The following ERVH48-1 variants were observed in gnomAD, a reference collection of about 807,000 sequenced individuals.
ERVH48-1 encodes the protein suppressyn.
Under a neutral mutation model 2.4 loss-of-function variants are expected in ERVH48-1, and 4 were observed. That is an observed-to-expected ratio of 1.68 (90% CI 0.83 to 3.84). ERVH48-1 has a LOEUF of 3.84. Ranked by LOEUF, ERVH48-1 falls within the 30% of genes most tolerant of loss-of-function variation. The pLI, the probability that ERVH48-1 is intolerant of heterozygous loss-of-function variation, is 0.01. For missense variants in ERVH48-1, 97 were observed against 43.4 expected, an observed-to-expected ratio of 2.23 and a Z score of -3.47; for synonymous variants, 32 against 15.5, an observed-to-expected ratio of 2.06 and a Z score of -2.49.
In ERVH48-1 at chr21:42,918,287, G is replaced by A. The variant is rs1455420251; in HGVS notation, c.*237C>T. The A allele has an allele frequency of 3.0e-5, 10 of 338,426 alleles. No individual in the cohort carries two copies. The highest frequency in any genetic ancestry group is 1.9e-4 in the South Asian group (8 of 41,526). 21.0% of individuals were successfully genotyped at this position (338,426 alleles called of 1,614,324 possible). The stretch of plus-strand genomic sequence containing the variant: ...AGTCCACTTGCGGGATATGCACACC[G>A]TCCCTCATACTGGGTTGGTAAGTGT... On this transcript the variant is annotated 3_prime_UTR_variant, in exon 2 of 2. Transcript: ENST00000447535.
chr21:42,921,343 A>G (rs536483461), intron 1 of ERVH48-1, among the ~76,000 whole-genome samples: 103 of 152,218 alleles, frequency 6.8e-4, no homozygotes, highest in African/African-American at 2.4e-3. Flanking sequence ...TTTGGCTAGT[A>G]GAGCGAAGGA....
Position 42,918,097 on chromosome 21 carries a change from G to C in ERVH48-1, c.*427C>G. ...GAGGTATGCGGCATAAGGGTTAGTGGTGTTCGTACAGTACCAGGCCTTTTT... is the reference window on the plus strand; with the variant it reads ...GAGGTATGCGGCATAAGGGTTAGTGCTGTTCGTACAGTACCAGGCCTTTTT... On this transcript the variant is annotated 3_prime_UTR_variant, in exon 2 of 2. Coordinates refer to ENST00000447535, the MANE Select transcript of ERVH48-1 (RefSeq NM_001308491.2). The C allele has an allele frequency of 5.2e-6, 1 of 190,480 alleles. No homozygotes were observed. Among genetic ancestry groups the C allele is most frequent in the Non-Finnish European group, 1.1e-5 (1 of 91,444 alleles). The allele number at this position is 190,480 out of a possible 1,614,324, so 11.8% of individuals were successfully genotyped here.
At chr21:42,919,859 G>C (rs1031887980) in intron 1 of ERVH48-1, among the ~76,000 whole-genome samples, 1 of 152,192 alleles carries the variant, frequency 6.6e-6, no homozygotes, top group Non-Finnish European at 1.5e-5. Context: ...GAAGATAGTG[G>C]AGCCATTTAT....
rs961440470 is a variant in ERVH48-1 at position 42,916,882 on chromosome 21, GGGGCA to G, written c.*1637_*1641del. ...AATGGCATCAGCCCCAAGTGAGGAT[GGGGCA>G]GGGGTTTTATAGTCCTCTGTAAACA... On this transcript the variant is annotated 3_prime_UTR_variant, in exon 2 of 2. Transcript: ENST00000447535. The G allele has an allele frequency of 6.2e-6, 1 of 160,846 alleles. No homozygotes were observed. Among genetic ancestry groups the G allele is most frequent in the Non-Finnish European group, 1.3e-5 (1 of 74,384 alleles). 10.0% of individuals were successfully genotyped at this position (160,846 alleles called of 1,614,324 possible).
In ERVH48-1 at chr21:42,919,173, G is replaced by C. The variant is rs1178604423; in HGVS notation, c.-167C>G. 2 of 802,038 alleles carry C rather than the reference G, an allele frequency of 2.5e-6. No homozygotes were observed. The highest frequency in any genetic ancestry group is 3.7e-5 in the Admixed American group (1 of 26,926). The allele number at this position is 802,038 out of a possible 1,614,324, so 49.7% of individuals were successfully genotyped here. A position where few individuals can be genotyped will look rare whatever the true frequency, so the allele number is the denominator to read the frequency against. Reference sequence around the variant, plus strand: ...GCTTGACCCTGGTGCGATGGATCCAGTTGGGGAGTCCTCGGACTCTCACTG... The same window carrying C: ...GCTTGACCCTGGTGCGATGGATCCACTTGGGGAGTCCTCGGACTCTCACTG... On this transcript the variant is annotated 5_prime_UTR_variant, in exon 2 of 2. Coordinates refer to ENST00000447535, the MANE Select transcript of ERVH48-1 (RefSeq NM_001308491.2).
chr21:42,923,493 G>A (rs2058812875), intron 1 of ERVH48-1, among the ~76,000 whole-genome samples: 1 of 152,172 alleles, frequency 6.6e-6, no homozygotes, highest in Non-Finnish European at 1.5e-5. Flanking sequence ...TGGGCTGGCT[G>A]GGTCTAGGTT....
At chr21:42,921,017 G>A (rs1402516414) in intron 1 of ERVH48-1, among the ~76,000 whole-genome samples, 1 of 152,204 alleles carries the variant, frequency 6.6e-6, no homozygotes, top group East Asian at 1.9e-4. Context: ...TCAAGAGATA[G>A]TTTTAGGCTT....
At chr21:42,920,876 C>T (rs191494810) in intron 1 of ERVH48-1, among the ~76,000 whole-genome samples, 5 of 152,124 alleles carry the variant, frequency 3.3e-5, no homozygotes, top group Admixed American at 1.3e-4. Context: ...CTGGTTAGCA[C>T]GGTGATTTGG....
At chr21:42,925,204 C>G (rs901753756) in intron 1 of ERVH48-1, 142 bp downstream of exon 1, 5 of 218,148 alleles carry the variant, frequency 2.3e-5, no homozygotes, top group African/African-American at 1.2e-4. Flanking sequence ...CTTGGCCTCC[C>G]AAAGTGCTGG....
chr21:42,917,191 C>T lies in ERVH48-1; in HGVS notation c.*1333G>A, dbSNP rs1344529443. On this transcript the variant is annotated 3_prime_UTR_variant, in exon 2 of 2. Coordinates refer to ENST00000447535, the MANE Select transcript of ERVH48-1 (RefSeq NM_001308491.2). ...TACTTCAGGCGTGACATAGGGGTGG[C>T]GTGGGCACCTTGGAAAAAGAAAAAC... The T allele has an allele frequency of 1.3e-5, 2 of 152,092 alleles. No individual in the cohort carries two copies. Among genetic ancestry groups the T allele is most frequent in the South Asian group, 2.1e-4 (1 of 4,828 alleles). 9.4% of individuals were successfully genotyped at this position (152,092 alleles called of 1,614,324 possible).
At position 42,918,026 on chromosome 21, in the gene ERVH48-1, A is replaced by T. The variant is rs1442935069; in HGVS notation, c.*498T>A. 6.5e-6 allele frequency: 1 copy of T among 153,542 alleles called. No homozygotes were observed. Among genetic ancestry groups the T allele is most frequent in the East Asian group, 1.9e-4 (1 of 5,234 alleles). The allele number at this position is 153,542 out of a possible 1,614,324, so 9.5% of individuals were successfully genotyped here. A position where few individuals can be genotyped will look rare whatever the true frequency, so the allele number is the denominator to read the frequency against. On this transcript the variant is annotated 3_prime_UTR_variant, in exon 2 of 2. Transcript: ENST00000447535. ...CACAGGAATCCGTCAGTGGCAGTCC[A>T]TTGTCAGCTGGTGTTCCTAGGATTG...
intron 1 of ERVH48-1, among the ~76,000 whole-genome samples, chr21:42,919,720 A>T (rs1229646893): frequency 6.6e-6 from 1 of 152,146 alleles, no homozygotes; most frequent in African/African-American, 2.4e-5. Flanking sequence ...CCGTTATCGG[A>T]CCGGATGGAT....
In ERVH48-1 at chr21:42,916,884, G is replaced by A. The variant is rs570670152; in HGVS notation, c.*1640C>T. ...TGGCATCAGCCCCAAGTGAGGATGG[G>A]GCAGGGGTTTTATAGTCCTCTGTAA... On this transcript the variant is annotated 3_prime_UTR_variant, in exon 2 of 2. Coordinates refer to ENST00000447535, the MANE Select transcript of ERVH48-1 (RefSeq NM_001308491.2). The A allele has an allele frequency of 1.9e-5, 3 of 160,868 alleles. No homozygotes were observed. The highest frequency in any genetic ancestry group is 4.8e-5 in the African/African-American group (2 of 41,664). 10.0% of individuals were successfully genotyped at this position (160,868 alleles called of 1,614,324 possible).
Position 42,925,561 on chromosome 21 carries a change from G to T in ERVH48-1, c.-501C>A, listed in dbSNP as rs573386623. ...AGCGCGCCAACAGACAACACGAGGC[G>T]GTGTGGAGCAACACACTGTTTTAAT... On this transcript the variant is annotated 5_prime_UTR_variant, in exon 1 of 2. Coordinates refer to ENST00000447535, the MANE Select transcript of ERVH48-1 (RefSeq NM_001308491.2). 3 of 262,288 alleles carry T rather than the reference G, an allele frequency of 1.1e-5. No homozygotes were observed. The South Asian group carries it at 1.3e-4, about 12-fold the overall frequency. 16.2% of individuals were successfully genotyped at this position (262,288 alleles called of 1,614,324 possible). A position where few individuals can be genotyped will look rare whatever the true frequency, so the allele number is the denominator to read the frequency against.
Position 42,919,036 on chromosome 21 carries a change from T to G in ERVH48-1, c.-30A>C. The G allele has an allele frequency of 8.1e-7, 1 of 1,227,880 alleles. No homozygotes were observed. The highest frequency in any genetic ancestry group is 1.0e-6 in the Non-Finnish European group (1 of 954,570). 76.1% of individuals were successfully genotyped at this position (1,227,880 alleles called of 1,614,324 possible). On this transcript the variant is annotated 5_prime_UTR_variant, in exon 2 of 2. Coordinates refer to ENST00000447535, the MANE Select transcript of ERVH48-1 (RefSeq NM_001308491.2). Reference sequence around the variant, plus strand: ...GGAAGCACGTGGTTAGTCTTCCTTGTGTTTTGGTTTTAAGAAAAAAATGTT... The same window carrying G: ...GGAAGCACGTGGTTAGTCTTCCTTGGGTTTTGGTTTTAAGAAAAAAATGTT...
At chr21:42,923,580 TA>T (rs1228777281) in intron 1 of ERVH48-1, among the ~76,000 whole-genome samples, 1 of 152,176 alleles carries the variant, frequency 6.6e-6, no homozygotes, top group African/African-American at 2.4e-5. Context: ...GGGTGATTTC[TA>T]AAAGTTTTTC....
chr21:42,924,519 G>T (rs752650021), intron 1 of ERVH48-1, among the ~76,000 whole-genome samples: 2 of 152,124 alleles, frequency 1.3e-5, no homozygotes, highest in Non-Finnish European at 2.9e-5. Context: ...TGTGAACAAG[G>T]CCTGGATATA....
rs767120695 is a variant in ERVH48-1 at position 42,917,205 on chromosome 21, A to T, written c.*1319T>A. The T allele has an allele frequency of 2.0e-5, 3 of 152,198 alleles. No homozygotes were observed. Among genetic ancestry groups the T allele is most frequent in the Non-Finnish European group, 4.4e-5 (3 of 68,038 alleles). The allele number at this position is 152,198 out of a possible 1,614,324, so 9.4% of individuals were successfully genotyped here. ...CATAGGGGTGGCGTGGGCACCTTGG[A>T]AAAAGAAAAACTTAATTTTTGGGGT... is the stretch of plus-strand genomic sequence containing the variant. On this transcript the variant is annotated 3_prime_UTR_variant, in exon 2 of 2. Transcript: ENST00000447535.
At chr21:42,921,611 AC>A (rs1320495114) in intron 1 of ERVH48-1, among the ~76,000 whole-genome samples, 2 of 152,098 alleles carry the variant, frequency 1.3e-5, no homozygotes, top group Non-Finnish European at 2.9e-5. Flanking sequence ...GAGAGGGGCT[AC>A]CCAGGAGCAG....
Sources: allele counts gnomAD v4.1 joint callset (sites outside exome capture counted in the v4.1 genomes callset), GRCh38; gene constraint gnomAD v4.1.1; transcripts MANE v1.5; gene names NCBI Gene and HGNC (gene_info 2026-07-23, HGNC 2026-07-21).